Variants in ASTN2 observed in about 807,000 individuals in gnomAD.
The protein encoded by ASTN2 is astrotactin 2.
Under a neutral mutation model 139.8 loss-of-function variants are expected in ASTN2, and 54 were observed. That is an observed-to-expected ratio of 0.39 (90% CI 0.31 to 0.48). The LOEUF (loss-of-function observed/expected upper bound fraction) is 0.48, where lower values mean the gene tolerates loss of function less well. Ranked by LOEUF, ASTN2 falls within the 20% of genes least tolerant of loss-of-function variation. The pLI, the probability that ASTN2 is intolerant of heterozygous loss-of-function variation, is 0.95. For synonymous variants in ASTN2, 756 were observed against 719.5 expected (o/e 1.05, Z -0.81); for missense variants, 1,565 against 1,725.1 (o/e 0.91, Z 1.64).
rs1847811636 is a variant in ASTN2, at chr9:116,440,603, C to T, written c.3782+6G>A. On this transcript the variant is annotated splice_donor_region_variant and intron_variant, in intron 22 of 22. Transcript: ENST00000313400. ...TGCCCCTCCAATCACACAAATACGC[C>T]CATACCTGGGCCCCAGCTCATCCTC... The T allele has an allele frequency of 6.2e-7, 1 of 1,612,612 alleles. No individual in the cohort carries two copies. The highest frequency in any genetic ancestry group is 8.5e-7 in the Non-Finnish European group (1 of 1,179,892).
intron 10 of ASTN2, among the ~76,000 whole-genome samples, chr9:116,935,848 A>G (rs1338007406): frequency 6.6e-6 from 1 of 152,150 alleles, no homozygotes; most frequent in African/African-American, 2.4e-5. Flanking sequence ...CACCGTTATC[A>G]CACTTTACCA....
intron 10 of ASTN2, among the ~76,000 whole-genome samples, chr9:116,951,796 A>C (rs1430474610): frequency 6.6e-6 from 1 of 152,118 alleles, no homozygotes; most frequent in Admixed American, 6.5e-5. Flanking sequence ...GGGAGATGTT[A>C]TTTTACTTCT....
rs142793215 is a variant in ASTN2 at position 116,955,019 on chromosome 9, G to C, written c.1889+20189C>G. 5.9e-5 allele frequency among the ~76,000 whole-genome samples: 9 copies of C among 152,324 alleles called. No homozygotes were observed. The East Asian group carries it at 1.7e-3, about 29-fold the overall frequency. On this transcript the variant is annotated intron_variant, in intron 10 of 22. Transcript: ENST00000313400. The stretch of plus-strand genomic sequence containing the variant: ...ATCTCTGAAATGTAGGCAAGACCTC[G>C]TGCCTTCCACTTTTGGCAGAATGAG...
intron 10 of ASTN2, among the ~76,000 whole-genome samples, chr9:116,970,794 C>G (rs1320012363): frequency 1.3e-5 from 2 of 152,166 alleles, no homozygotes; most frequent in African/African-American, 4.8e-5. Context: ...CAGTATTTCA[C>G]CATTTCATTT....
intron 1 of ASTN2, among the ~76,000 whole-genome samples, chr9:117,359,684 C>T (rs988144660): frequency 6.6e-6 from 1 of 150,806 alleles, no homozygotes; most frequent in African/African-American, 2.4e-5. Flanking sequence ...AGATGTCATT[C>T]TAATGTCGTC....
intron 1 of ASTN2, among the ~76,000 whole-genome samples, chr9:117,317,892 G>T (rs1828197933): frequency 6.6e-6 from 1 of 152,186 alleles, no homozygotes. Context: ...GAGGGGCTGT[G>T]ACCCAGGACA....
At chr9:117,170,713 C>T (rs975322960) in intron 3 of ASTN2, among the ~76,000 whole-genome samples, 3 of 152,102 alleles carry the variant, frequency 2.0e-5, no homozygotes, top group African/African-American at 7.2e-5. Context: ...AGTGTTCCAA[C>T]AGAGAAGACA....
intron 13 of ASTN2, among the ~76,000 whole-genome samples, chr9:116,747,805 G>A (rs188461042): frequency 6.6e-6 from 1 of 152,132 alleles, no homozygotes; most frequent in Admixed American, 6.5e-5. Flanking sequence ...CTCTCTAAAT[G>A]CAAAACAATT....
intron 6 of ASTN2, among the ~76,000 whole-genome samples, chr9:117,032,829 T>A (rs889607109): frequency 1.3e-5 from 2 of 152,162 alleles, no homozygotes; most frequent in Non-Finnish European, 2.9e-5. Context: ...TACTTGATGA[T>A]TTCATGGGCT....
At chr9:116,878,000 A>C (rs1232740256) in intron 10 of ASTN2, among the ~76,000 whole-genome samples, 2 of 152,222 alleles carry the variant, frequency 1.3e-5, no homozygotes, top group Admixed American at 6.5e-5. Flanking sequence ...AATCAAAACC[A>C]CAATGGGATA....
At chr9:117,365,710 C>T (rs1455498736) in intron 1 of ASTN2, among the ~76,000 whole-genome samples, 2 of 152,152 alleles carry the variant, frequency 1.3e-5, no homozygotes, top group African/African-American at 2.4e-5. Flanking sequence ...CAAAGCAATG[C>T]TAACAGTTTG....
rs112043731 is a variant in ASTN2 at position 117,095,679 on chromosome 9, T to C, written c.1276+365A>G. 8.3e-3 allele frequency among the ~76,000 whole-genome samples: 1,257 copies of C among 152,342 alleles called. 18 individuals are homozygous for C. The highest frequency in any genetic ancestry group is 0.028 in the African/African-American group (1,184 of 41,584). On this transcript the variant is annotated intron_variant, in intron 5 of 22. Coordinates refer to ENST00000313400, the MANE Select transcript of ASTN2 (RefSeq NM_001365068.1). ...CTCTTCTAAGAACTACAAAACAGTA[T>C]GGCAGGGATTATTCTGCATCAACCC...
chr9:117,171,244 G>A (rs143758240), intron 3 of ASTN2, among the ~76,000 whole-genome samples: 278 of 152,280 alleles, frequency 1.8e-3, no homozygotes, highest in African/African-American at 6.3e-3. Flanking sequence ...TGAAACATTT[G>A]CAGGTATGCA....
At chr9:116,540,964 A>G (rs1352347047) in intron 19 of ASTN2, among the ~76,000 whole-genome samples, 1 of 151,774 alleles carries the variant, frequency 6.6e-6, no homozygotes, top group African/African-American at 2.4e-5. Flanking sequence ...TTTTTCCCCT[A>G]GTTTTGAAAC....
intron 20 of ASTN2, among the ~76,000 whole-genome samples, chr9:116,463,316 C>T (rs1588082662): frequency 6.6e-6 from 1 of 152,148 alleles, no homozygotes; most frequent in African/African-American, 2.4e-5. Context: ...TGCTGTCCTA[C>T]CTCAAAGCTC....
intron 10 of ASTN2, among the ~76,000 whole-genome samples, chr9:116,884,160 C>T (rs927069413): frequency 2.6e-5 from 4 of 152,118 alleles, no homozygotes; most frequent in Non-Finnish European, 5.9e-5. Flanking sequence ...CACAGCCAGA[C>T]AGGCAGGCTT....
At chr9:116,796,246 C>A (rs536206924) in intron 13 of ASTN2, among the ~76,000 whole-genome samples, 159 of 152,234 alleles carry the variant, frequency 1.0e-3, no homozygotes, top group African/African-American at 3.7e-3. Context: ...ACACAGTTGG[C>A]CAAGCTGGGA....
chr9:117,227,746 C>T (rs1205751063), intron 2 of ASTN2, among the ~76,000 whole-genome samples: 2 of 152,156 alleles, frequency 1.3e-5, no homozygotes, highest in South Asian at 2.1e-4. Context: ...ACTCCTCTCT[C>T]TCTACTGTTG....
intron 1 of ASTN2, among the ~76,000 whole-genome samples, chr9:117,313,866 C>G (rs1828053565): frequency 1.3e-5 from 2 of 152,100 alleles, no homozygotes; most frequent in South Asian, 4.1e-4. Flanking sequence ...TCAACCAGAC[C>G]TTTCTTTCTC....
Sources: allele counts gnomAD v4.1 joint callset (sites outside exome capture counted in the v4.1 genomes callset), GRCh38; gene constraint gnomAD v4.1.1; transcripts MANE v1.5; gene names NCBI Gene and HGNC (gene_info 2026-07-23, HGNC 2026-07-21).